Variants in WBP1L observed in about 807,000 individuals in gnomAD.
WBP1L encodes WW domain binding protein 1 like.
Under a neutral mutation model 33.7 loss-of-function variants are expected in WBP1L, and 17 were observed. That is an observed-to-expected ratio of 0.50 (90% CI 0.34 to 0.76). The LOEUF (loss-of-function observed/expected upper bound fraction) is 0.76. Ranked by LOEUF, WBP1L falls within the 30% of genes least tolerant of loss-of-function variation. The probability of loss-of-function intolerance (pLI) is 0.01; values close to 1 mark genes in which losing one functional copy is unlikely to be tolerated. For synonymous variants in WBP1L, 173 were observed against 190.8 expected, an observed-to-expected ratio of 0.91 and a Z score of 0.77; for missense variants, 389 against 469.4, an observed-to-expected ratio of 0.83 and a Z score of 1.58.
intron 1 of WBP1L, among the ~76,000 whole-genome samples, chr10:102,779,338 C>T (rs1843306886): frequency 2.0e-5 from 3 of 151,560 alleles, no homozygotes; most frequent in Admixed American, 6.6e-5. Context: ...GTTCTTGTCA[C>T]CCAGGCTGGA....
chr10:102,754,877 TTTTATTTATTTA>T (rs148819787), intron 1 of WBP1L, among the ~76,000 whole-genome samples: 15 of 150,682 alleles, frequency 1.0e-4, no homozygotes, highest in African/African-American at 2.2e-4. Flanking sequence ...GCTAATTTTG[TTTTATTTATTTA>T]TTTATTTATT....
chr10:102,759,555 A>G (rs892638287), intron 1 of WBP1L, among the ~76,000 whole-genome samples: 35 of 152,176 alleles, frequency 2.3e-4, no homozygotes, highest in African/African-American at 5.8e-4. Context: ...TTTTATAGAT[A>G]TACTCCATTT....
intron 1 of WBP1L, among the ~76,000 whole-genome samples, chr10:102,793,515 T>C (rs1196569518): frequency 1.3e-5 from 2 of 152,208 alleles, no homozygotes; most frequent in Non-Finnish European, 1.5e-5. Flanking sequence ...TATTTGACCT[T>C]TCCATTGCAT....
At chr10:102,764,667 T>G (rs954181168) in intron 1 of WBP1L, among the ~76,000 whole-genome samples, 26 of 152,328 alleles carry the variant, frequency 1.7e-4, no homozygotes, top group African/African-American at 6.0e-4. Context: ...CCTCTACAAC[T>G]TATTGGAGGG....
rs1843813726 is a variant in WBP1L at position 102,810,377 on chromosome 10, T to TCCTC, written c.355+332_355+335dup. ...TTCCTCCCTTCCTCCCTCCCTTCCT[T>TCCTC]CCTCCCTCCCTCTTTCTCTCTTTCT... On this transcript the variant is annotated intron_variant, in intron 3 of 3. Transcript: ENST00000448841. 2.8e-5 allele frequency among the ~76,000 whole-genome samples: 3 copies of TCCTC among 107,682 alleles called. 1 individual carries two copies. The highest frequency in any genetic ancestry group is 6.0e-5 in the Non-Finnish European group (3 of 50,178). The allele number at this position is 107,682 out of a possible 152,430, so 70.6% of individuals were successfully genotyped here.
At chr10:102,794,423 G>A (rs1454937108) in intron 1 of WBP1L, among the ~76,000 whole-genome samples, 1 of 151,822 alleles carries the variant, frequency 6.6e-6, no homozygotes, top group Non-Finnish European at 1.5e-5. Context: ...AGGTTGCAGT[G>A]AGTCAAAATC....
chr10:102,809,381 C>G (rs1327032536), intron 2 of WBP1L, among the ~76,000 whole-genome samples: 3 of 146,770 alleles, frequency 2.0e-5, no homozygotes, highest in Admixed American at 1.4e-4. Flanking sequence ...CCCAGCCATT[C>G]TTTTTTTTGA....
chr10:102,750,591 T>C (rs1310742374), intron 1 of WBP1L, among the ~76,000 whole-genome samples: 1 of 151,872 alleles, frequency 6.6e-6, no homozygotes, highest in Non-Finnish European at 1.5e-5. Flanking sequence ...AAACTCCGCC[T>C]CCAGAGTTCA....
At position 102,813,203 on chromosome 10, in the gene WBP1L, C is replaced by T. The variant is rs755387513; in HGVS notation, c.964C>T (p.Gln322Ter). Residue 322 changes from glutamine to a stop codon, truncating the protein, a stop_gained, in exon 4 of 4, where the codon CAG becomes TAG. Transcript: ENST00000448841. LOFTEE classifies it high-confidence loss of function. ...TGGTGATGAGGAGGAAGGCCTCTGT[C>T]AGTCCTCTGAGGAGCAGGCTCGAGA... is the stretch of plus-strand genomic sequence containing the variant. ...PPGDEEEGLCQSSEEQAREPG... is the reference protein window; with the variant it reads ...PPGDEEEGLC 3 of 1,613,698 alleles carry T rather than the reference C, an allele frequency of 1.9e-6. No homozygotes were observed. In the Admixed American group the frequency reaches 5.0e-5, roughly 27 times the overall value.
intron 1 of WBP1L, among the ~76,000 whole-genome samples, chr10:102,776,833 A>T (rs1184954093): frequency 6.6e-6 from 1 of 151,306 alleles, no homozygotes; most frequent in Admixed American, 6.6e-5. Context: ...TTCTGAAGGG[A>T]CTCTGTGTTG....
intron 1 of WBP1L, among the ~76,000 whole-genome samples, chr10:102,765,091 A>G (rs1458537102): frequency 6.6e-6 from 1 of 152,192 alleles, no homozygotes; most frequent in East Asian, 1.9e-4. Flanking sequence ...AATGAGACAC[A>G]CGGAGGCTTT....
chr10:102,792,556 C>T (rs548387522), intron 1 of WBP1L, among the ~76,000 whole-genome samples: 14 of 151,696 alleles, frequency 9.2e-5, no homozygotes, highest in Admixed American at 2.0e-4. Context: ...CGATGTTCTT[C>T]CCTGTCCTCT....
chr10:102,752,333 A>G (rs1376905475), intron 1 of WBP1L, among the ~76,000 whole-genome samples: 1 of 152,106 alleles, frequency 6.6e-6, no homozygotes, highest in African/African-American at 2.4e-5. Context: ...TGCAAGAACA[A>G]CATAGCATTG....
At chr10:102,811,414 C>T (rs115307292) in intron 3 of WBP1L, among the ~76,000 whole-genome samples, 2 of 152,182 alleles carry the variant, frequency 1.3e-5, no homozygotes, top group East Asian at 3.8e-4. Context: ...CATGTGACCT[C>T]TCATATGGTC....
chr10:102,778,363 C>A (rs1182864773), intron 1 of WBP1L, among the ~76,000 whole-genome samples: 1 of 152,206 alleles, frequency 6.6e-6, no homozygotes, highest in Non-Finnish European at 1.5e-5. Flanking sequence ...CCACCTCTTA[C>A]TCTACCGAGA....
chr10:102,775,541 T>C (rs1240441762), intron 1 of WBP1L, among the ~76,000 whole-genome samples: 5 of 152,188 alleles, frequency 3.3e-5, no homozygotes, highest in African/African-American at 9.7e-5. Context: ...TTGTACCTTT[T>C]ATAAGACAAG....
In WBP1L at chr10:102,745,901, G is replaced by C. The variant is rs74557102; in HGVS notation, c.90+1758G>C. Among the ~76,000 whole-genome samples, 1,610 of 152,244 alleles carry C rather than the reference G, an allele frequency of 0.011. 95 individuals carry two copies. In the East Asian group the frequency reaches 0.15, roughly 14 times the overall value. On this transcript the variant is annotated intron_variant, in intron 1 of 3. Transcript: ENST00000448841. ...TTTTTTGTTTACTAGAAATGTTATA[G>C]CCCTCAGGACCAGTAAAGTTAAGTA...
At chr10:102,809,203 G>A (rs1843788547) in intron 2 of WBP1L, among the ~76,000 whole-genome samples, 1 of 152,114 alleles carries the variant, frequency 6.6e-6, no homozygotes, top group Admixed American at 6.5e-5. Flanking sequence ...TCAGCCTCCT[G>A]AGTAGCTGGG....
At position 102,812,951 on chromosome 10, in the gene WBP1L, G is replaced by C; in HGVS notation, c.712G>C (p.Glu238Gln). The C allele has an allele frequency of 6.2e-7, 1 of 1,605,188 alleles. No homozygotes were observed. The highest frequency in any genetic ancestry group is 8.5e-7 in the Non-Finnish European group (1 of 1,173,704). The change falls in exon 4 of 4, where the codon GAA becomes CAA. Residue 238 changes from glutamate (E) to glutamine (Q), a missense_variant. Physicochemically the swap from Glu to Gln is conservative, Grantham distance 29. Coordinates refer to ENST00000448841, the MANE Select transcript of WBP1L (RefSeq NM_001083913.2). ...GGGGGCCTTCCTGGACAAAGATGCA[G>C]AATGTAGGGAGGAGCTGCTGAAAGA... is the stretch of plus-strand genomic sequence containing the variant. ...DPGAFLDKDA[E>Q]CREELLKDDS... is the part of the protein sequence containing the mutation.
Sources: gnomAD v4.1 joint callset for allele counts (sites outside exome capture counted in the v4.1 genomes callset) on GRCh38, gnomAD v4.1.1 for gene constraint, MANE v1.5 for transcripts, NCBI Gene and HGNC (gene_info 2026-07-23, HGNC 2026-07-21) for gene names.